The following INHBB variants were observed in gnomAD, a reference collection of about 807,000 sequenced individuals.
INHBB encodes the protein inhibin beta B chain.
A neutral mutation model predicts 28.9 loss-of-function variants in INHBB; 8 were observed. The ratio of observed to expected loss-of-function variants is 0.28; its 90% CI spans 0.16 to 0.50. The LOEUF is 0.50. Ranked by LOEUF, INHBB falls within the 20% of genes least tolerant of loss-of-function variation. The probability of loss-of-function intolerance (pLI) is 0.98; values close to 1 mark genes in which losing one functional copy is unlikely to be tolerated. For synonymous variants in INHBB, 293 were observed against 262.7 expected (o/e 1.12, Z -1.12); for missense variants, 499 against 597.8 (o/e 0.83, Z 1.72).
rs1475002889 is a variant in INHBB at position 120,350,952 on chromosome 2, C to T, written c.*1078C>T. 1 of 152,676 alleles carries T rather than the reference C, an allele frequency of 6.5e-6. No individual in the cohort carries two copies. The highest frequency in any genetic ancestry group is 1.9e-4 in the East Asian group (1 of 5,184). 9.5% of individuals were successfully genotyped at this position (152,676 alleles called of 1,614,324 possible). The stretch of plus-strand genomic sequence containing the variant: ...AGCGGAGGCCAAGGGAGGGGAGCAG[C>T]CTAGTTGGTCTTGGAGAGATGGGGA... On this transcript the variant is annotated 3_prime_UTR_variant, in exon 2 of 2. Coordinates refer to ENST00000295228, the MANE Select transcript of INHBB (RefSeq NM_002193.4).
Position 120,351,377 on chromosome 2 carries a change from A to G in INHBB, c.*1503A>G, listed in dbSNP as rs1246781412. ...GATTAGTCAGAAACTGCCATTTGAA[A>G]AAAAGTTATTTTTATAGCAGCAAAA... On this transcript the variant is annotated 3_prime_UTR_variant, in exon 2 of 2. Transcript: ENST00000295228. The G allele has an allele frequency of 6.6e-6, 1 of 151,382 alleles. No homozygotes were observed. The highest frequency in any genetic ancestry group is 1.5e-5 in the Non-Finnish European group (1 of 68,018). 9.4% of individuals were successfully genotyped at this position (151,382 alleles called of 1,614,324 possible).
rs1475332711 is a variant in INHBB at position 120,349,898 on chromosome 2, G to A, written c.*24G>A. 6.3e-7 allele frequency: 1 copy of A among 1,589,960 alleles called. No individual in the cohort carries two copies. Among genetic ancestry groups the A allele is most frequent in the Admixed American group, 1.7e-5 (1 of 59,234 alleles). The stretch of plus-strand genomic sequence containing the variant: ...GACAGTGCAAGGCAGGGGCACGGTG[G>A]TGGGGCACGGAGGGCAGTCCCGGGT... On this transcript the variant is annotated 3_prime_UTR_variant, in exon 2 of 2. Coordinates refer to ENST00000295228, the MANE Select transcript of INHBB (RefSeq NM_002193.4). This position sits in a 1 kb window ranked among gnomAD's most constrained non-coding sequence, Gnocchi z 5.6.
At chr2:120,346,929 C>T (rs1364254859) in intron 1 of INHBB, among the ~76,000 whole-genome samples, 2 of 152,260 alleles carry the variant, frequency 1.3e-5, no homozygotes, top group Non-Finnish European at 2.9e-5. Context: ...CGTCCCCCTC[C>T]CGGCAGATGC....
Position 120,351,172 on chromosome 2 carries a change from A to G in INHBB, c.*1298A>G, listed in dbSNP as rs780712771. ...GAAGTGGCCCTTGGCCGAGCGCCGA[A>G]CTCGCTCGCCCTCTAGATGTCCAAG... On this transcript the variant is annotated 3_prime_UTR_variant, in exon 2 of 2. Coordinates refer to ENST00000295228, the MANE Select transcript of INHBB (RefSeq NM_002193.4). 6.6e-6 allele frequency: 1 copy of G among 152,652 alleles called. No homozygotes were observed. The highest frequency in any genetic ancestry group is 1.5e-5 in the Non-Finnish European group (1 of 68,046). The allele number at this position is 152,652 out of a possible 1,614,324, so 9.5% of individuals were successfully genotyped here.
At chr2:120,348,645 G>T in intron 1 of INHBB, among the ~76,000 whole-genome samples, 1 of 116,130 alleles carries the variant, frequency 8.6e-6, no homozygotes, top group Non-Finnish European at 1.7e-5. Context: ...TTTGCAATGC[G>T]CTAAGTTAAC....
Position 120,346,470 on chromosome 2 carries a change from C to A in INHBB, c.282C>A (p.Ile94=), listed in dbSNP as rs1211456329. ...TGCAGATGCGGGGCCGGCCCAACAT[C>A]ACGCACGCCGTGCCTAAGGCCGCCA... ...SRLQMRGRPN[I]THAVPKAAMV... The change falls in exon 1 of 2, where the codon ATC becomes ATA. Residue 94 remains isoleucine, a synonymous_variant. Transcript: ENST00000295228. 1.3e-6 allele frequency: 2 copies of A among 1,558,640 alleles called. No individual in the cohort carries two copies. The highest frequency in any genetic ancestry group is 2.5e-5 in the East Asian group (1 of 40,724).
chr2:120,347,695 T>TGGCTGCAAATGCCCCC (rs1245361626), intron 1 of INHBB, among the ~76,000 whole-genome samples: 2 of 152,064 alleles, frequency 1.3e-5, no homozygotes, highest in Non-Finnish European at 2.9e-5. Context: ...GTTGTGCCCC[T>TGGCTGCAAATGCCCCC]GGCTGCAAAT....
chr2:120,348,674 A>G (rs1025620410), intron 1 of INHBB, among the ~76,000 whole-genome samples: 1 of 151,706 alleles, frequency 6.6e-6, no homozygotes, highest in Non-Finnish European at 1.5e-5. Flanking sequence ...AAAAAAAAAA[A>G]AAAAGCCCTA....
In INHBB at chr2:120,349,123, G is replaced by A. The variant is rs768170550; in HGVS notation, c.473G>A (p.Arg158His). 8 of 1,610,620 alleles carry A rather than the reference G, an allele frequency of 5.0e-6. No individual in the cohort carries two copies. Among genetic ancestry groups the A allele is most frequent in the East Asian group, 2.2e-5 (1 of 44,770 alleles). The change falls in exon 2 of 2, where the codon CGC becomes CAC. Residue 158 changes from arginine (R) to histidine (H), a missense_variant. Arg to His is a conservative substitution (Grantham distance 29). Around this residue, in one of 2 missense-constraint regions of INHBB, gnomAD observed 385 missense variants for 415.2 expected, o/e 0.93. Coordinates refer to ENST00000295228, the MANE Select transcript of INHBB (RefSeq NM_002193.4). This position sits in a 1 kb window ranked among gnomAD's most constrained non-coding sequence, Gnocchi z 5.6. ...ETDGLASSRV[R>H]LYFFISNEGN... ...GATGGCCTCGCCTCCTCCCGGGTCC[G>A]CCTATACTTCTTCATCTCCAACGAA...
Position 120,346,362 on chromosome 2 carries a change from C to G in INHBB, c.174C>G (p.Cys58Trp). The G allele has an allele frequency of 6.8e-7, 1 of 1,479,004 alleles. No individual in the cohort carries two copies. The highest frequency in any genetic ancestry group is 8.9e-7 in the Non-Finnish European group (1 of 1,121,108). 91.6% of individuals were successfully genotyped at this position (1,479,004 alleles called of 1,614,324 possible). The change falls in exon 1 of 2, where the codon TGC becomes TGG. Residue 58 changes from cysteine to tryptophan, a missense_variant. Physicochemically the swap from Cys to Trp is radical, Grantham distance 215. Around this residue, in one of 2 missense-constraint regions of INHBB, gnomAD observed 385 missense variants for 415.2 expected, o/e 0.93. Coordinates refer to ENST00000295228, the MANE Select transcript of INHBB (RefSeq NM_002193.4). ...PGGSQDTCTS[C>W]GGFRRPEELG... ...GCTCGCAGGACACCTGTACGTCGTGCGGCGGCTTCCGGCGGCCAGAGGAGC... is the reference window on the plus strand; with the variant it reads ...GCTCGCAGGACACCTGTACGTCGTGGGGCGGCTTCCGGCGGCCAGAGGAGC...
Position 120,346,158 on chromosome 2 carries a change from C to A in INHBB, c.-31C>A. On this transcript the variant is annotated 5_prime_UTR_variant, in exon 1 of 2. Coordinates refer to ENST00000295228, the MANE Select transcript of INHBB (RefSeq NM_002193.4). ...GCTCGGCTCGACTCGGCTCGCCTCGCGGCGGGCGCCCTCGTCGCCAGCGGC... is the reference window on the plus strand; with the variant it reads ...GCTCGGCTCGACTCGGCTCGCCTCGAGGCGGGCGCCCTCGTCGCCAGCGGC... 1 of 1,106,952 alleles carries A rather than the reference C, an allele frequency of 9.0e-7. No homozygotes were observed. Among genetic ancestry groups the A allele is most frequent in the East Asian group, 5.3e-5 (1 of 18,842 alleles). The allele number at this position is 1,106,952 out of a possible 1,614,324, so 68.6% of individuals were successfully genotyped here.
chr2:120,347,626 G>A (rs189950931), intron 1 of INHBB, among the ~76,000 whole-genome samples: 280 of 152,338 alleles, frequency 1.8e-3, no homozygotes, highest in African/African-American at 6.4e-3. Context: ...AGGTCGCAGA[G>A]GGGGAAGCCC....
chr2:120,346,302 G>A lies in INHBB; in HGVS notation c.114G>A (p.Ala38=), dbSNP rs1691150438. Residue 38 remains alanine (A), a synonymous_variant, in exon 1 of 2, where the codon GCG becomes GCA. Coordinates refer to ENST00000295228, the MANE Select transcript of INHBB (RefSeq NM_002193.4). ...GSPTPPPTPA[A]PPPPPPPGSP... Reference sequence around the variant, plus strand: ...CCACGCCCCCGCCGACGCCTGCCGCGCCGCCGCCACCCCCGCCACCCGGAT... The same window carrying A: ...CCACGCCCCCGCCGACGCCTGCCGCACCGCCGCCACCCCCGCCACCCGGAT... 2 of 1,376,728 alleles carry A rather than the reference G, an allele frequency of 1.5e-6. No homozygotes were observed. Among genetic ancestry groups the A allele is most frequent in the East Asian group, 3.1e-5 (1 of 32,536 alleles). 85.3% of individuals were successfully genotyped at this position (1,376,728 alleles called of 1,614,324 possible). A position where few individuals can be genotyped will look rare whatever the true frequency, so the allele number is the denominator to read the frequency against.
chr2:120,350,255 G>A lies in INHBB; in HGVS notation c.*381G>A, dbSNP rs200554894. The A allele has an allele frequency of 2.3e-4, 56 of 243,342 alleles. No homozygotes were observed. Among genetic ancestry groups the A allele is most frequent in the Admixed American group, 2.1e-3 (42 of 19,544 alleles). The allele number at this position is 243,342 out of a possible 1,614,324, so 15.1% of individuals were successfully genotyped here. ...AGCCACCATTCCCACCAGCTGGCCC[G>A]GCCACTCTGAATTGCGCCTTCCGAG... On this transcript the variant is annotated 3_prime_UTR_variant, in exon 2 of 2. Coordinates refer to ENST00000295228, the MANE Select transcript of INHBB (RefSeq NM_002193.4).
At chr2:120,346,848 A>AC (rs1287735467) in intron 1 of INHBB, among the ~76,000 whole-genome samples, 5 of 151,240 alleles carry the variant, frequency 3.3e-5, no homozygotes, top group Admixed American at 2.0e-4. Context: ...TGCTGCCTCA[A>AC]CCCCCCGCCG....
In INHBB at chr2:120,346,208, G is replaced by C. The variant is rs1181401457; in HGVS notation, c.20G>C (p.Arg7Pro). 2.5e-6 allele frequency: 3 copies of C among 1,203,422 alleles called. No homozygotes were observed. The highest frequency in any genetic ancestry group is 3.2e-5 in the African/African-American group (2 of 62,906). 74.5% of individuals were successfully genotyped at this position (1,203,422 alleles called of 1,614,324 possible). The change falls in exon 1 of 2, where the codon CGG becomes CCG. Residue 7 changes from arginine to proline, a missense_variant. Around this residue, in one of 2 missense-constraint regions of INHBB, gnomAD observed 385 missense variants for 415.2 expected, o/e 0.93. Coordinates refer to ENST00000295228, the MANE Select transcript of INHBB (RefSeq NM_002193.4). The stretch of plus-strand genomic sequence containing the variant: ...CGCACCATGGACGGGCTGCCCGGTC[G>C]GGCGCTGGGGGCCGCCTGCCTTCTG... MDGLPG[R>P]ALGAACLLLL...
chr2:120,349,723 A>G lies in INHBB; in HGVS notation c.1073A>G (p.Tyr358Cys), dbSNP rs1394221213. 1 of 1,613,750 alleles carries G rather than the reference A, an allele frequency of 6.2e-7. No individual in the cohort carries two copies. Among genetic ancestry groups the G allele is most frequent in the Admixed American group, 1.7e-5 (1 of 60,026 alleles). ...TTCCACACGGCTGTGGTGAACCAGT[A>G]CCGCATGCGGGGTCTGAACCCCGGC... ...SSFHTAVVNQ[Y>C]RMRGLNPGTV... The change falls in exon 2 of 2, where the codon TAC becomes TGC. Residue 358 changes from tyrosine (Y) to cysteine (C), a missense_variant. This residue lies in a region of INHBB where 114 missense variants were observed against 182.6 expected (regional missense o/e 0.62). Coordinates refer to ENST00000295228, the MANE Select transcript of INHBB (RefSeq NM_002193.4). This position sits in a 1 kb window ranked among gnomAD's most constrained non-coding sequence, Gnocchi z 5.6.
chr2:120,346,576 G>T lies in INHBB; in HGVS notation c.388G>T (p.Ala130Ser). The change falls in exon 1 of 2, where the codon GCC becomes TCC. Residue 130 changes from alanine to serine, a missense_variant. Physicochemically the swap from Ala to Ser is moderately conservative, Grantham distance 99. Around this residue, in one of 2 missense-constraint regions of INHBB, gnomAD observed 385 missense variants for 415.2 expected, o/e 0.93. Coordinates refer to ENST00000295228, the MANE Select transcript of INHBB (RefSeq NM_002193.4). ...RVEIPHLDGH[A>S]SPGADGQERV... is the part of the protein sequence containing the mutation. ...GGAGATCCCGCACCTCGACGGCCAC[G>T]CCAGCCCGGGCGCCGACGGCCAGGA... 1 of 1,468,656 alleles carries T rather than the reference G, an allele frequency of 6.8e-7. No homozygotes were observed. The allele number at this position is 1,468,656 out of a possible 1,614,324, so 91.0% of individuals were successfully genotyped here.
intron 1 of INHBB, among the ~76,000 whole-genome samples, chr2:120,347,031 G>T (rs1419198446): frequency 6.6e-6 from 1 of 152,250 alleles, no homozygotes; most frequent in Non-Finnish European, 1.5e-5. Flanking sequence ...TGTGGATGGA[G>T]ATGTGTGTGC....
Sources: gnomAD v4.1 joint callset for allele counts (sites outside exome capture counted in the v4.1 genomes callset) on GRCh38, gnomAD v4.1.1 for gene constraint, gnomAD v4.1.1 regional missense constraint, Gnocchi (gnomAD v3.1) non-coding constraint, MANE v1.5 for transcripts, NCBI Gene and HGNC (gene_info 2026-07-23, HGNC 2026-07-21) for gene names.